The following SEMA6D variants were observed in gnomAD, a reference collection of about 807,000 sequenced individuals.
The protein encoded by SEMA6D is semaphorin 6D, also known as semaphorin-6D.
In SEMA6D, 35 loss-of-function variants were observed where a neutral mutation model predicts 106.6. The observed-to-expected ratio is 0.33, with a 90% CI of 0.25 to 0.44. The LOEUF (loss-of-function observed/expected upper bound fraction) is 0.44, where lower values mean the gene tolerates loss of function less well. SEMA6D is among the 20% of genes least tolerant of loss of function. The pLI is 1.00. For synonymous variants in SEMA6D, 499 were observed against 487.7 expected (o/e 1.02, Z -0.31); for missense variants, 1,185 against 1,345.9 (o/e 0.88, Z 1.87).
intron 3 of SEMA6D, among the ~76,000 whole-genome samples, chr15:47,528,194 C>T (rs1345590195): frequency 1.3e-5 from 2 of 152,206 alleles, no homozygotes; most frequent in Non-Finnish European, 2.9e-5. Context: ...GCTTCAGCTC[C>T]TCCACACTTA....
intron 1 of SEMA6D, among the ~76,000 whole-genome samples, chr15:47,381,892 C>G (rs1440134466): frequency 6.6e-6 from 1 of 152,084 alleles, no homozygotes; most frequent in Non-Finnish European, 1.5e-5. Context: ...GGTCTTTGTC[C>G]TACTTGGCCC....
At chr15:47,276,164 ACATAACATAAAAGGTCTC>A (rs1418562681) in intron 1 of SEMA6D, among the ~76,000 whole-genome samples, 2 of 152,148 alleles carry the variant, frequency 1.3e-5, no homozygotes, top group Non-Finnish European at 2.9e-5. Flanking sequence ...AACCTCTGTA[ACATAACATAAAAGGTCTC>A]CATAACATAA....
chr15:47,188,378 A>G (rs192974218), intron 1 of SEMA6D, among the ~76,000 whole-genome samples: 5 of 152,328 alleles, frequency 3.3e-5, no homozygotes, highest in Admixed American at 3.3e-4. Context: ...TATTTCCTGT[A>G]ACGTGAAGAC....
chr15:47,758,093 T>C (rs149800760), intron 1 of SEMA6D, among the ~76,000 whole-genome samples: 132 of 152,330 alleles, frequency 8.7e-4, no homozygotes, highest in African/African-American at 3.1e-3. Context: ...TCCACCTGCT[T>C]TTTGTAAGGC....
At chr15:47,344,500 C>T (rs944699324) in intron 1 of SEMA6D, among the ~76,000 whole-genome samples, 4 of 152,062 alleles carry the variant, frequency 2.6e-5, no homozygotes, top group African/African-American at 9.7e-5. Flanking sequence ...GTTTCCAGGC[C>T]ACTATGCAGG....
chr15:47,336,662 G>C (rs1218291294), intron 1 of SEMA6D, among the ~76,000 whole-genome samples: 4 of 152,162 alleles, frequency 2.6e-5, no homozygotes, highest in African/African-American at 9.7e-5. Flanking sequence ...GTAATACAAT[G>C]GAAATGGTTT....
At chr15:47,380,683 G>A (rs1418141999) in intron 1 of SEMA6D, 1 of 152,232 alleles carries the variant, frequency 6.6e-6, no homozygotes, top group Non-Finnish European at 1.5e-5. Context: ...GGGCATGGAA[G>A]TATACAGGCT....
chr15:47,506,861 C>G (rs2044059135), intron 3 of SEMA6D, among the ~76,000 whole-genome samples: 1 of 152,084 alleles, frequency 6.6e-6, no homozygotes, highest in Non-Finnish European at 1.5e-5. Flanking sequence ...CACTTTAGAT[C>G]CAGACAGCGA....
At chr15:47,702,914 G>A (rs956188482) in intron 4 of SEMA6D, among the ~76,000 whole-genome samples, 1 of 152,178 alleles carries the variant, frequency 6.6e-6, no homozygotes, top group South Asian at 2.1e-4. Context: ...GAACTGCTCT[G>A]TATAATACCA....
intron 1 of SEMA6D, among the ~76,000 whole-genome samples, chr15:47,193,972 A>G (rs1422606616): frequency 6.6e-6 from 1 of 151,986 alleles, no homozygotes; most frequent in Non-Finnish European, 1.5e-5. Flanking sequence ...AACAAGGATA[A>G]TGTCTGTTGT....
At chr15:47,312,947 AT>A (rs2036506186) in intron 1 of SEMA6D, among the ~76,000 whole-genome samples, 1 of 152,048 alleles carries the variant, frequency 6.6e-6, no homozygotes, top group South Asian at 2.1e-4. Flanking sequence ...TAGGCCAAAT[AT>A]TTTCCCCTTT....
Position 47,354,236 on chromosome 15 carries a change from T to C in SEMA6D, c.-238-58157T>C, listed in dbSNP as rs550852397. 9.4e-5 allele frequency among the ~76,000 whole-genome samples: 14 copies of C among 148,284 alleles called. No individual in the cohort carries two copies. In the South Asian group the frequency reaches 3.0e-3, roughly 31 times the overall value. ...ATATATATATATACACACATACATA[T>C]ATATGGAATTAGAGCTTATAAGTGG... is the stretch of plus-strand genomic sequence containing the variant. On this transcript the variant is annotated intron_variant, in intron 1 of 19. Coordinates refer to the SEMA6D transcript ENST00000558014.
intron 4 of SEMA6D, among the ~76,000 whole-genome samples, chr15:47,659,413 A>C (rs769252973): frequency 7.9e-5 from 12 of 151,926 alleles, no homozygotes; most frequent in African/African-American, 1.4e-4. Context: ...AAAGTAAAAA[A>C]TAAAAATAAA....
At chr15:47,454,207 A>G (rs1393555084) in intron 2 of SEMA6D, among the ~76,000 whole-genome samples, 1 of 152,006 alleles carries the variant, frequency 6.6e-6, no homozygotes, top group African/African-American at 2.4e-5. Flanking sequence ...GCTTTCTTCA[A>G]GTTTATAATA....
chr15:47,252,023 C>A (rs1201373307), intron 1 of SEMA6D, among the ~76,000 whole-genome samples: 1 of 142,354 alleles, frequency 7.0e-6, no homozygotes, highest in African/African-American at 2.7e-5. Context: ...TCACGCCATT[C>A]CCCTGCCTCA....
intron 1 of SEMA6D, among the ~76,000 whole-genome samples, chr15:47,207,608 G>C (rs763958029): frequency 6.6e-6 from 1 of 152,122 alleles, no homozygotes; most frequent in Non-Finnish European, 1.5e-5. Context: ...GGTTTGAGAA[G>C]AGGATGTGAA....
intron 4 of SEMA6D, among the ~76,000 whole-genome samples, chr15:47,621,442 T>A (rs2077098044): frequency 6.6e-6 from 1 of 152,168 alleles, no homozygotes; most frequent in Non-Finnish European, 1.5e-5. Context: ...TCAACAGTGA[T>A]GACTCACTTT....
chr15:47,239,808 G>A (rs1417210218), intron 1 of SEMA6D, among the ~76,000 whole-genome samples: 2 of 152,178 alleles, frequency 1.3e-5, no homozygotes, highest in Non-Finnish European at 2.9e-5. Context: ...TGTAACACAC[G>A]AGTAGTATGT....
chr15:47,312,576 T>C (rs1262604022), intron 1 of SEMA6D, among the ~76,000 whole-genome samples: 1 of 152,104 alleles, frequency 6.6e-6, no homozygotes, highest in Non-Finnish European at 1.5e-5. Flanking sequence ...ATTCTTAACC[T>C]TGCCACAATG....
Sources: allele counts gnomAD v4.1 joint callset (sites outside exome capture counted in the v4.1 genomes callset), GRCh38; gene constraint gnomAD v4.1.1; transcripts MANE v1.5; gene names NCBI Gene and HGNC (gene_info 2026-07-23, HGNC 2026-07-21).